Variants in CDK11B observed in about 807,000 individuals in gnomAD.
CDK11B encodes cyclin-dependent kinase 11B.
CDK11B carries 37 observed loss-of-function variants against 84.0 expected under a neutral mutation model. The observed-to-expected ratio is 0.44, with a 90% CI of 0.34 to 0.58. The LOEUF (loss-of-function observed/expected upper bound fraction) is 0.58, where lower values mean the gene tolerates loss of function less well. CDK11B is among the 20% of genes least tolerant of loss of function. CDK11B has a pLI of 0.02. For missense variants in CDK11B, 427 were observed against 834.0 expected (o/e 0.51, Z 6.01); for synonymous variants, 269 against 309.8 (o/e 0.87, Z 1.38).
chr1:1,647,635 G>A (rs1224923543), intron 5 of CDK11B, among the ~76,000 whole-genome samples: 1 of 152,270 alleles, frequency 6.6e-6, no homozygotes, highest in African/African-American at 2.4e-5. Flanking sequence ...TCTATTTTCT[G>A]CCAGGTCCTT....
chr1:1,648,080 G>C (rs560620263), intron 5 of CDK11B, among the ~76,000 whole-genome samples: 2 of 152,394 alleles, frequency 1.3e-5, no homozygotes, highest in Admixed American at 6.5e-5. Flanking sequence ...ACGTTGCCCA[G>C]GCTGGCGTCA....
At chr1:1,652,605 A>G in intron 3 of CDK11B, 39 bp from the exon 4 acceptor site, 7 of 1,338,522 alleles carry the variant, frequency 5.2e-6, no homozygotes, top group Non-Finnish European at 6.8e-6. Context: ...ATGCTTGAGA[A>G]AGTGCAAAGA....
rs1272119556 is a variant in CDK11B, at chr1:1,635,486, G to T, written c.*278C>A. On this transcript the variant is annotated 3_prime_UTR_variant, in exon 20 of 20. Transcript: ENST00000341832. ...CGGCCCAGCCAGCCCCGTGCGTGTC[G>T]AGAGTGGGAGAGGGTGTGTGGAGGT... 3 of 353,662 alleles carry T rather than the reference G, an allele frequency of 8.5e-6. No individual in the cohort carries two copies. The highest frequency in any genetic ancestry group is 1.4e-5 in the Non-Finnish European group (3 of 207,276). The allele number at this position is 353,662 out of a possible 1,614,324, so 21.9% of individuals were successfully genotyped here.
At chr1:1,651,248 T>C (rs1379147801) in intron 4 of CDK11B, among the ~76,000 whole-genome samples, 23 of 151,920 alleles carry the variant, frequency 1.5e-4, no homozygotes, top group Middle Eastern at 3.4e-3. Flanking sequence ...CAGGTCATTT[T>C]AAATGTAAAC....
chr1:1,656,862 G>T (rs1265137748), intron 2 of CDK11B, among the ~76,000 whole-genome samples: 1 of 152,180 alleles, frequency 6.6e-6, no homozygotes, highest in Non-Finnish European at 1.5e-5. Flanking sequence ...ATAATAAAGT[G>T]AAGTGCAATA....
Position 1,654,859 on chromosome 1 carries a change from T to C in CDK11B, c.227+510A>G, listed in dbSNP as rs367547526. On this transcript the variant is annotated intron_variant, in intron 3 of 19. Transcript: ENST00000341832. ...ATTTTTAGTAGAGACGGGGTTTCAC[T>C]GTGTTAGCCAGGATGGTCTTGATCT... Among the ~76,000 whole-genome samples the C allele has an allele frequency of 1.7e-3, 253 of 151,384 alleles. 3 individuals carry two copies. The East Asian group carries it at 0.028, about 17-fold the overall frequency.
chr1:1,655,162 AG>A (rs1642574935), intron 3 of CDK11B, among the ~76,000 whole-genome samples: 1 of 151,988 alleles, frequency 6.6e-6, no homozygotes, highest in Non-Finnish European at 1.5e-5. Flanking sequence ...AGAAGGGGCA[AG>A]GGTCTGGAGG....
intron 4 of CDK11B, among the ~76,000 whole-genome samples, chr1:1,650,163 G>T (rs1412331487): frequency 3.4e-5 from 5 of 148,538 alleles, no homozygotes; most frequent in East Asian, 2.0e-4. Flanking sequence ...CCAGCTACTC[G>T]GGAGGCTGAG....
In CDK11B at chr1:1,636,817, T is replaced by C. The variant is rs1319134462; in HGVS notation, c.1801-19A>G. 66 of 1,613,220 alleles carry C rather than the reference T, an allele frequency of 4.1e-5. No homozygotes were observed. The highest frequency in any genetic ancestry group is 5.3e-5 in the Non-Finnish European group (62 of 1,179,686). ...AGTATTCCTAAGAGGTCAGGAGAGG[T>C]GTTCAGGAGGGCCAGTGCCCGCGAA... On this transcript the variant is annotated intron_variant, in intron 16 of 19. Coordinates refer to ENST00000341832, the MANE Select transcript of CDK11B (RefSeq NM_033486.3).
chr1:1,654,928 G>A (rs1415670454), intron 3 of CDK11B, among the ~76,000 whole-genome samples: 1 of 152,030 alleles, frequency 6.6e-6, no homozygotes, highest in African/African-American at 2.4e-5. Flanking sequence ...AAAGTGCTGG[G>A]ATTACAGGCG....
At chr1:1,656,142 C>T (rs189613775) in intron 2 of CDK11B, among the ~76,000 whole-genome samples, 171 of 152,280 alleles carry the variant, frequency 1.1e-3, no homozygotes, top group Middle Eastern at 6.8e-3. Context: ...GGCTCCAAAA[C>T]ACCACAATAA....
intron 11 of CDK11B, among the ~76,000 whole-genome samples, chr1:1,638,919 AGCAACACTCTGTT>A (rs1639812163): frequency 5.3e-5 from 8 of 150,304 alleles, no homozygotes; most frequent in Admixed American, 2.0e-4. Context: ...CGGCCAACAT[AGCAACACTCTGTT>A]TTCTATTTTT....
intron 2 of CDK11B, among the ~76,000 whole-genome samples, chr1:1,656,624 C>T (rs1270119082): frequency 2.6e-5 from 4 of 152,072 alleles, no homozygotes; most frequent in Non-Finnish European, 4.4e-5. Context: ...CCCATCTCTA[C>T]TAAAAAATAC....
Position 1,637,214 on chromosome 1 carries a change from G to C in CDK11B, c.1571-12C>G. On this transcript the variant is annotated splice_polypyrimidine_tract_variant and intron_variant, in intron 14 of 19. Coordinates refer to ENST00000341832, the MANE Select transcript of CDK11B (RefSeq NM_033486.3). ...GGTCTTCACCTCCCCTGGGAGGGAG[G>C]GAAGCTCCCATGTGGACCTGGCTGC... is the stretch of plus-strand genomic sequence containing the variant. 5 of 1,612,786 alleles carry C rather than the reference G, an allele frequency of 3.1e-6. No homozygotes were observed. The highest frequency in any genetic ancestry group is 4.2e-6 in the Non-Finnish European group (5 of 1,179,680).
chr1:1,637,903 G>A lies in CDK11B; in HGVS notation c.1343-20C>T, dbSNP rs563548930. 119 of 1,612,832 alleles carry A rather than the reference G, an allele frequency of 7.4e-5. 2 individuals carry two copies. Among genetic ancestry groups the A allele is most frequent in the Middle Eastern group, 5.0e-4 (3 of 6,046 alleles). On this transcript the variant is annotated intron_variant, in intron 12 of 19. Coordinates refer to ENST00000341832, the MANE Select transcript of CDK11B (RefSeq NM_033486.3). ...TTTCATCTGTGAAGAAAATACAGAC[G>A]GCACTGAGAGGCATTCTCAAAGTCA... is the stretch of plus-strand genomic sequence containing the variant.
intron 2 of CDK11B, among the ~76,000 whole-genome samples, chr1:1,657,032 C>T (rs1408344078): frequency 3.3e-5 from 5 of 152,070 alleles, no homozygotes; most frequent in African/African-American, 7.3e-5. Context: ...ATATTAATTT[C>T]AAGGCAAGTT....
chr1:1,639,575 C>T (rs1049130403), intron 11 of CDK11B, among the ~76,000 whole-genome samples: 20 of 151,872 alleles, frequency 1.3e-4, no homozygotes, highest in Non-Finnish European at 2.5e-4. Flanking sequence ...GTGCCCAGGC[C>T]GGATGTCATG....
At chr1:1,656,230 T>C (rs1399263761) in intron 2 of CDK11B, among the ~76,000 whole-genome samples, 2 of 152,204 alleles carry the variant, frequency 1.3e-5, no homozygotes, top group Non-Finnish European at 2.9e-5. Flanking sequence ...CTCACGCCTG[T>C]AATCCCAGCA....
chr1:1,636,607 C>T (rs1639334046), intron 17 of CDK11B, 75 bp downstream of exon 17: 1 of 1,599,468 alleles, frequency 6.3e-7, no homozygotes, highest in South Asian at 1.1e-5. Context: ...CAACCCAGCA[C>T]CTGTGCGCCC....
Sources: gnomAD v4.1 joint callset for allele counts (sites outside exome capture counted in the v4.1 genomes callset) on GRCh38, gnomAD v4.1.1 for gene constraint, MANE v1.5 for transcripts, NCBI Gene and HGNC (gene_info 2026-07-23, HGNC 2026-07-21) for gene names.